The following CDH13 variants were observed in gnomAD, a reference collection of about 807,000 sequenced individuals.
CDH13 encodes cadherin-13.
CDH13 carries 24 observed loss-of-function variants against 63.8 expected under a neutral mutation model. The ratio of observed to expected loss-of-function variants is 0.38; its 90% CI spans 0.27 to 0.53. CDH13 has a LOEUF of 0.53. Ranked by LOEUF, CDH13 falls within the 20% of genes least tolerant of loss-of-function variation. The pLI is 0.85. For synonymous variants in CDH13, 503 were observed against 355.3 expected, an observed-to-expected ratio of 1.42 and a Z score of -4.67; for missense variants, 1,049 against 903.1, an observed-to-expected ratio of 1.16 and a Z score of -2.07.
At chr16:83,051,309 C>T (rs2030310561) in intron 3 of CDH13, among the ~76,000 whole-genome samples, 1 of 152,178 alleles carries the variant, frequency 6.6e-6, no homozygotes, top group Non-Finnish European at 1.5e-5. Flanking sequence ...ATGTTTCCTT[C>T]CACATCTATC....
chr16:83,617,376 C>A (rs1909374821), intron 8 of CDH13, among the ~76,000 whole-genome samples: 1 of 151,950 alleles, frequency 6.6e-6, no homozygotes, highest in African/African-American at 2.4e-5. Context: ...CTATTCTATT[C>A]TAATATGCAC....
At chr16:83,059,794 T>G (rs962043224) in intron 3 of CDH13, among the ~76,000 whole-genome samples, 86 of 73,062 alleles carry the variant, frequency 1.2e-3, no homozygotes, top group Admixed American at 8.4e-3. Flanking sequence ...TTTTTGTTTG[T>G]TTTTTTTTTT....
At chr16:83,789,190 T>C (rs1916087669) in intron 13 of CDH13, among the ~76,000 whole-genome samples, 1 of 152,096 alleles carries the variant, frequency 6.6e-6, no homozygotes, top group African/African-American at 2.4e-5. Flanking sequence ...CTCAAATGCA[T>C]AAAAGCAGAC....
At chr16:83,419,791 GT>G (rs2071661499) in intron 6 of CDH13, among the ~76,000 whole-genome samples, 1 of 152,134 alleles carries the variant, frequency 6.6e-6, no homozygotes. Context: ...CTCTGCTCAT[GT>G]TTTCCAGCAG....
rs576974874 is a variant in CDH13 at position 83,149,148 on chromosome 16, C to G, written c.483+23647C>G. ...TAGTTCTATGGTAAGGTTGGAATTA[C>G]ATTATTTCCTCTCTATATTGAAATA... On this transcript the variant is annotated intron_variant, in intron 4 of 13. Coordinates refer to ENST00000567109, the MANE Select transcript of CDH13 (RefSeq NM_001257.5). Among the ~76,000 whole-genome samples the G allele has an allele frequency of 4.1e-4, 62 of 152,302 alleles. 1 individual carries two copies. Among genetic ancestry groups the G allele is most frequent in the African/African-American group, 1.3e-3 (53 of 41,568 alleles).
chr16:83,719,462 C>G (rs929644117), intron 10 of CDH13, among the ~76,000 whole-genome samples: 1 of 152,096 alleles, frequency 6.6e-6, no homozygotes, highest in African/African-American at 2.4e-5. Context: ...ACGGTGGACA[C>G]AGGATCCGTA....
At chr16:83,293,316 G>C (rs1053714534) in intron 5 of CDH13, among the ~76,000 whole-genome samples, 2 of 152,170 alleles carry the variant, frequency 1.3e-5, no homozygotes, top group African/African-American at 2.4e-5. Flanking sequence ...AAGAGTCACA[G>C]ACATGTAACC....
chr16:83,522,128 G>A (rs972587562), intron 7 of CDH13, among the ~76,000 whole-genome samples: 1 of 152,156 alleles, frequency 6.6e-6, no homozygotes, highest in South Asian at 2.1e-4. Flanking sequence ...TCTGCCCACC[G>A]GGTGCTGTCT....
chr16:83,680,496 C>T (rs1915317893), intron 10 of CDH13, among the ~76,000 whole-genome samples: 1 of 152,036 alleles, frequency 6.6e-6, no homozygotes. Context: ...GGGAGGGGTG[C>T]CTGGGAGAGC....
intron 10 of CDH13, among the ~76,000 whole-genome samples, chr16:83,681,797 G>C (rs1486316014): frequency 6.6e-6 from 1 of 152,188 alleles, no homozygotes; most frequent in African/African-American, 2.4e-5. Flanking sequence ...GCAGAGAGGG[G>C]CCAGGATGGG....
chr16:82,819,954 T>C (rs537529922), intron 1 of CDH13, among the ~76,000 whole-genome samples: 1 of 152,236 alleles, frequency 6.6e-6, no homozygotes, highest in East Asian at 1.9e-4. Flanking sequence ...GTGGAGCAAC[T>C]GGCTACTGTT....
At chr16:83,294,600 G>A (rs2089543736) in intron 5 of CDH13, among the ~76,000 whole-genome samples, 1 of 118,604 alleles carries the variant, frequency 8.4e-6, no homozygotes, top group Non-Finnish European at 1.7e-5. Flanking sequence ...ATATATATGT[G>A]TATGTGTGTG....
At chr16:82,933,773 G>T (rs568310746) in intron 2 of CDH13, among the ~76,000 whole-genome samples, 3 of 152,284 alleles carry the variant, frequency 2.0e-5, no homozygotes, top group South Asian at 2.1e-4. Flanking sequence ...GGGGCTACAG[G>T]ATCCGGGCAA....
At chr16:83,786,220 T>A (rs3785000) in intron 13 of CDH13, among the ~76,000 whole-genome samples, 18,896 of 151,532 alleles carry the variant, frequency 0.12, 1,940 homozygotes, top group African/African-American at 0.28. Context: ...CTAGGAAGAG[T>A]TGGGGATGGA....
chr16:83,341,759 A>G (rs1243567357), intron 5 of CDH13, among the ~76,000 whole-genome samples: 1 of 152,092 alleles, frequency 6.6e-6, no homozygotes, highest in Non-Finnish European at 1.5e-5. Context: ...GCAGAGTCCT[A>G]ATTCTTTGAC....
intron 1 of CDH13, among the ~76,000 whole-genome samples, chr16:82,734,332 A>G (rs1422673759): frequency 6.6e-6 from 1 of 152,236 alleles, no homozygotes; most frequent in Non-Finnish European, 1.5e-5. Context: ...ATAGAAAAAA[A>G]AAATGTGTCC....
chr16:83,140,052 A>C (rs1483111316), intron 4 of CDH13, among the ~76,000 whole-genome samples: 1 of 152,188 alleles, frequency 6.6e-6, no homozygotes, highest in Non-Finnish European at 1.5e-5. Flanking sequence ...ACCGCTGTAG[A>C]CATCCGAGGG....
At chr16:83,598,728 A>C (rs1316479424) in intron 7 of CDH13, among the ~76,000 whole-genome samples, 1 of 152,174 alleles carries the variant, frequency 6.6e-6, no homozygotes, top group Non-Finnish European at 1.5e-5. Context: ...TCCTTGAATG[A>C]TGATTAACAA....
intron 3 of CDH13, among the ~76,000 whole-genome samples, chr16:83,049,476 A>G (rs1325872623): frequency 6.6e-6 from 1 of 151,886 alleles, no homozygotes; most frequent in Non-Finnish European, 1.5e-5. Context: ...CTGGGACTAC[A>G]GGTGCCCACC....
Sources: gnomAD v4.1 joint callset for allele counts (sites outside exome capture counted in the v4.1 genomes callset) on GRCh38, gnomAD v4.1.1 for gene constraint, MANE v1.5 for transcripts, NCBI Gene and HGNC (gene_info 2026-07-23, HGNC 2026-07-21) for gene names.